ZNF385B: variants seen among roughly 807,000 people sequenced by gnomAD.
ZNF385B encodes the protein zinc finger protein 533.
A neutral mutation model predicts 39.2 loss-of-function variants in ZNF385B; 23 were observed. The ratio of observed to expected loss-of-function variants is 0.59; its 90% CI spans 0.42 to 0.83. ZNF385B has a LOEUF of 0.83. ZNF385B is among the 40% of genes least tolerant of loss of function. The pLI is 0.00. For synonymous variants in ZNF385B, 205 were observed against 222.6 expected (o/e 0.92, Z 0.70); for missense variants, 552 against 598.9 (o/e 0.92, Z 0.82).
At chr2:179,610,516 C>T (rs1689200610) in intron 3 of ZNF385B, among the ~76,000 whole-genome samples, 1 of 152,022 alleles carries the variant, frequency 6.6e-6, no homozygotes, top group Non-Finnish European at 1.5e-5. Flanking sequence ...TTCTGTTGCT[C>T]AGGATATCAT....
chr2:179,633,427 A>G (rs569215381), intron 3 of ZNF385B, among the ~76,000 whole-genome samples: 1 of 152,346 alleles, frequency 6.6e-6, no homozygotes, highest in African/African-American at 2.4e-5. Context: ...GTACTCCATC[A>G]CATAAACAGA....
intron 1 of ZNF385B, among the ~76,000 whole-genome samples, chr2:179,855,667 A>G (rs1684536089): frequency 6.6e-6 from 1 of 152,222 alleles, no homozygotes; most frequent in African/African-American, 2.4e-5. Context: ...GGTGCTGAAT[A>G]TCTTGAAACT....
chr2:179,725,932 ATG>A (rs145287508), intron 3 of ZNF385B, among the ~76,000 whole-genome samples: 12,396 of 127,550 alleles, frequency 0.097, 571 homozygotes, highest in Non-Finnish European at 0.12. Flanking sequence ...ATATATATAT[ATG>A]TGTATATACA....
intron 3 of ZNF385B, among the ~76,000 whole-genome samples, chr2:179,760,802 A>G (rs1703336899): frequency 6.6e-6 from 1 of 152,200 alleles, no homozygotes; most frequent in Non-Finnish European, 1.5e-5. Flanking sequence ...ACACAAGCAG[A>G]GACTGGAGTG....
chr2:179,829,077 C>T (rs1707832988), intron 1 of ZNF385B, among the ~76,000 whole-genome samples: 2 of 151,548 alleles, frequency 1.3e-5, no homozygotes, highest in African/African-American at 2.4e-5. Context: ...AAGAGCAGTA[C>T]CAAACATTTT....
chr2:179,838,450 T>C (rs1708367178), intron 1 of ZNF385B, among the ~76,000 whole-genome samples: 1 of 152,226 alleles, frequency 6.6e-6, no homozygotes, highest in East Asian at 1.9e-4. Flanking sequence ...ATGGAGCGCC[T>C]AACTTCTAAT....
At chr2:179,688,655 C>T (rs1054919271) in intron 3 of ZNF385B, among the ~76,000 whole-genome samples, 3 of 152,150 alleles carry the variant, frequency 2.0e-5, no homozygotes, top group Non-Finnish European at 2.9e-5. Flanking sequence ...TTCCACTGTT[C>T]CTGGGACAGA....
chr2:179,658,484 A>G (rs1268915564), intron 3 of ZNF385B, among the ~76,000 whole-genome samples: 3 of 152,242 alleles, frequency 2.0e-5, no homozygotes, highest in African/African-American at 4.8e-5. Context: ...CATACAGGAA[A>G]TGACCCAATG....
At chr2:179,761,440 A>G (rs1031480075) in intron 3 of ZNF385B, among the ~76,000 whole-genome samples, 2 of 151,990 alleles carry the variant, frequency 1.3e-5, no homozygotes, top group Non-Finnish European at 2.9e-5. Context: ...GCATTTTGTA[A>G]TTTTCAGCAT....
chr2:179,749,307 G>C (rs1000982640), intron 3 of ZNF385B, among the ~76,000 whole-genome samples: 1 of 152,098 alleles, frequency 6.6e-6, no homozygotes, highest in African/African-American at 2.4e-5. Flanking sequence ...GAAATGAAGT[G>C]TGTTAACATT....
At chr2:179,597,206 G>C (rs1688067387) in intron 3 of ZNF385B, among the ~76,000 whole-genome samples, 1 of 152,056 alleles carries the variant, frequency 6.6e-6, no homozygotes, top group South Asian at 2.1e-4. Flanking sequence ...TTAGCTACTT[G>C]TTATGGCAGC....
chr2:179,701,175 A>G (rs959261513), intron 3 of ZNF385B, among the ~76,000 whole-genome samples: 4 of 152,220 alleles, frequency 2.6e-5, no homozygotes, highest in Admixed American at 1.3e-4. Context: ...ATACACTTTG[A>G]AAGTCTCATA....
chr2:179,519,293 A>G (rs772253918), intron 4 of ZNF385B, among the ~76,000 whole-genome samples: 12 of 152,246 alleles, frequency 7.9e-5, no homozygotes, highest in Non-Finnish European at 1.3e-4. Context: ...ATCAGAGCAC[A>G]GAAAGTATTG....
At chr2:179,525,537 C>A (rs992363673) in intron 4 of ZNF385B, among the ~76,000 whole-genome samples, 1 of 152,260 alleles carries the variant, frequency 6.6e-6, no homozygotes, top group East Asian at 1.9e-4. Flanking sequence ...CTAAGCAGAC[C>A]GCAGCTACAA....
At chr2:179,845,047 A>T (rs555543746) in intron 1 of ZNF385B, among the ~76,000 whole-genome samples, 1 of 152,288 alleles carries the variant, frequency 6.6e-6, no homozygotes, top group East Asian at 1.9e-4. Flanking sequence ...CCCAAACACC[A>T]TACAAGACTG....
At chr2:179,848,380 C>T (rs760706973) in intron 1 of ZNF385B, among the ~76,000 whole-genome samples, 12 of 152,118 alleles carry the variant, frequency 7.9e-5, no homozygotes, top group Admixed American at 3.9e-4. Flanking sequence ...TCTAGCCTAG[C>T]GCAAGCTTCT....
chr2:179,515,766 G>C (rs1411277460), intron 5 of ZNF385B, among the ~76,000 whole-genome samples: 1 of 151,482 alleles, frequency 6.6e-6, no homozygotes, highest in South Asian at 2.1e-4. Context: ...TTTCTAGTTA[G>C]GTTTACTAAG....
intron 3 of ZNF385B, among the ~76,000 whole-genome samples, chr2:179,608,861 TG>T (rs1689051766): frequency 6.8e-6 from 1 of 146,768 alleles, no homozygotes; most frequent in Non-Finnish European, 1.5e-5. Context: ...TGTGTGTGTG[TG>T]TGTGTGTGTG....
intron 4 of ZNF385B, chr2:179,522,997 C>A (rs560586448): frequency 5.9e-6 from 2 of 341,118 alleles, no homozygotes; most frequent in East Asian, 9.5e-5. Context: ...ATTTAAAGAC[C>A]CATTTTCCTT....
Sources: gnomAD v4.1 joint callset for allele counts (sites outside exome capture counted in the v4.1 genomes callset) on GRCh38, gnomAD v4.1.1 for gene constraint, MANE v1.5 for transcripts, NCBI Gene and HGNC (gene_info 2026-07-23, HGNC 2026-07-21) for gene names.